HERC5: variants seen among roughly 807,000 people sequenced by gnomAD.
HERC5 encodes the protein E3 ISG15--protein ligase HERC5.
HERC5 carries 99 observed loss-of-function variants against 119.6 expected under a neutral mutation model. The observed-to-expected ratio is 0.83, with a 90% CI of 0.70 to 0.98. The LOEUF (loss-of-function observed/expected upper bound fraction) is 0.98, where lower values mean the gene tolerates loss of function less well. Among genes scored for constraint, HERC5 ranks in the 50% least tolerant of loss-of-function variants. The pLI is 0.00. For missense variants in HERC5, 1,267 were observed against 1,241.3 expected (o/e 1.02, Z -0.31); for synonymous variants, 478 against 445.9 (o/e 1.07, Z -0.91).
At chr4:88,467,908 A>G in intron 7 of HERC5, 1 of 982,502 alleles carries the variant, frequency 1.0e-6, no homozygotes, top group Non-Finnish European at 1.2e-6. Flanking sequence ...TTGTAGGAAA[A>G]CGAACAGAGT....
intron 15 of HERC5, 55 bp from the exon 16 acceptor site, chr4:88,489,111 T>C: frequency 6.7e-7 from 1 of 1,484,760 alleles, no homozygotes; most frequent in Non-Finnish European, 9.1e-7. Flanking sequence ...AAATTTTTAC[T>C]TAGAGAGGGC....
At chr4:88,474,317 AATT>A (rs1740978269) in intron 11 of HERC5, among the ~76,000 whole-genome samples, 1 of 152,206 alleles carries the variant, frequency 6.6e-6, no homozygotes. Context: ...TGCCCAGAGG[AATT>A]AAGATCTTAC....
In HERC5 at chr4:88,479,811, T is replaced by A. The variant is rs145851876; in HGVS notation, c.1737+304T>A. On this transcript the variant is annotated intron_variant, in intron 13 of 22. Coordinates refer to ENST00000264350, the MANE Select transcript of HERC5 (RefSeq NM_016323.4). ...GGCCGGGCGCGTTGGCTCACGCCTG[T>A]CATCCTAGCACTTTAGGAGGCCAAG... 2.0e-4 allele frequency among the ~76,000 whole-genome samples: 31 copies of A among 152,252 alleles called. No individual in the cohort carries two copies. The East Asian group carries it at 5.8e-3, about 28-fold the overall frequency.
intron 13 of HERC5, among the ~76,000 whole-genome samples, chr4:88,480,445 T>TG (rs200164798): frequency 3.5e-3 from 354 of 100,700 alleles, no homozygotes; most frequent in South Asian, 0.013. Context: ...CTTGTGTGTG[T>TG]TTTTTTTTTT....
intron 13 of HERC5, 27 bp from the exon 14 acceptor site, chr4:88,486,088 T>G (rs1190586378): frequency 3.5e-6 from 5 of 1,445,994 alleles, no homozygotes; most frequent in Non-Finnish European, 4.8e-6. Context: ...AATATAAAAC[T>G]TTTTCACAAG....
chr4:88,481,021 T>C (rs911301690), intron 13 of HERC5, among the ~76,000 whole-genome samples: 2 of 152,202 alleles, frequency 1.3e-5, no homozygotes, highest in African/African-American at 4.8e-5. Context: ...TTCTTTTTAC[T>C]CCTTGTGTCT....
chr4:88,457,708 G>T lies in HERC5; in HGVS notation c.265+174G>T, dbSNP rs142189085. On this transcript the variant is annotated intron_variant, in intron 1 of 22. Coordinates refer to ENST00000264350, the MANE Select transcript of HERC5 (RefSeq NM_016323.4). ...GCGCACCTGAGCTGTCTTTTATCCC[G>T]GTCAGTGTCAGGCGCGGGGTGAGCG... Among the ~76,000 whole-genome samples the T allele has an allele frequency of 8.9e-3, 1,363 of 152,328 alleles. 20 individuals carry two copies. The highest frequency in any genetic ancestry group is 0.031 in the African/African-American group (1,298 of 41,574).
At position 88,494,247 on chromosome 4, in the gene HERC5, C is replaced by A. The variant is rs773951218; in HGVS notation, c.2360C>A (p.Pro787His). The A allele has an allele frequency of 5.6e-6, 9 of 1,613,108 alleles. No individual in the cohort carries two copies. ...SLFNCNVANL[P>H]FPLALFKKLL... The stretch of plus-strand genomic sequence containing the variant: ...TTCAATTGCAATGTTGCCAACCTTC[C>A]TTTCCCACTGGCACTGTTTAAGAAA... The change falls in exon 18 of 23, where the codon CCT becomes CAT. Residue 787 changes from proline (P) to histidine (H), a missense_variant. Physicochemically the swap from Pro to His is moderately conservative, Grantham distance 77 (BLOSUM62 -2). This residue lies in a region of HERC5 where 473 missense variants were observed against 445.7 expected (regional missense o/e 1.06). Coordinates refer to ENST00000264350, the MANE Select transcript of HERC5 (RefSeq NM_016323.4).
intron 9 of HERC5, among the ~76,000 whole-genome samples, 155 bp downstream of exon 9, chr4:88,469,415 T>C (rs1266727345): frequency 1.3e-5 from 2 of 152,234 alleles, no homozygotes; most frequent in African/African-American, 4.8e-5. Context: ...TCTTTATCTC[T>C]ATCATGTCTG....
chr4:88,457,356 G>A lies in HERC5; in HGVS notation c.87G>A (p.Pro29=). The A allele has an allele frequency of 6.3e-6, 9 of 1,428,214 alleles. No individual in the cohort carries two copies. The highest frequency in any genetic ancestry group is 8.2e-6 in the Non-Finnish European group (9 of 1,092,964). The allele number at this position is 1,428,214 out of a possible 1,614,324, so 88.5% of individuals were successfully genotyped here. Residue 29 remains proline (P), a synonymous_variant, in exon 1 of 23, where the codon CCG becomes CCA. Coordinates refer to ENST00000264350, the MANE Select transcript of HERC5 (RefSeq NM_016323.4). ...CCGCGACCCAGCCCGCGAAGTCTCC[G>A]GGCGCACAGCTCTGGCTCTTTCCCA... ...KAAATQPAKS[P]GAQLWLFPSA...
intron 13 of HERC5, among the ~76,000 whole-genome samples, chr4:88,480,681 G>T (rs1741250220): frequency 6.6e-6 from 1 of 152,148 alleles, no homozygotes; most frequent in Non-Finnish European, 1.5e-5. Flanking sequence ...ATTGCTCCAT[G>T]TCTGACTTTA....
At chr4:88,479,672 T>TA (rs542488053) in intron 13 of HERC5, among the ~76,000 whole-genome samples, 165 bp downstream of exon 13, 46 of 152,198 alleles carry the variant, frequency 3.0e-4, no homozygotes, top group African/African-American at 1.1e-3. Context: ...AAGGAATATA[T>TA]ATATAATACC....
chr4:88,491,439 G>C (rs541800708), intron 16 of HERC5, among the ~76,000 whole-genome samples: 1 of 152,252 alleles, frequency 6.6e-6, no homozygotes, highest in East Asian at 1.9e-4. Context: ...AGAAGTGTTA[G>C]GATAGAACTG....
intron 15 of HERC5, among the ~76,000 whole-genome samples, chr4:88,488,585 A>G (rs544949636): frequency 6.6e-6 from 1 of 152,032 alleles, no homozygotes; most frequent in Admixed American, 6.6e-5. Context: ...CAGAATGGAC[A>G]TTCTGTCTGT....
In HERC5 at chr4:88,504,303, G is replaced by A. The variant is rs375430185; in HGVS notation, c.2654G>A (p.Arg885Gln). The A allele has an allele frequency of 1.5e-5, 24 of 1,612,342 alleles. No individual in the cohort carries two copies. Among genetic ancestry groups the A allele is most frequent in the Middle Eastern group, 1.7e-4 (1 of 6,050 alleles). ...GTAAAGGCGGTTTATGAAGAATTTC[G>A]GAGAGGATTTTATAAAATGTGCGAC... Reference protein sequence around the residue: ...DSVKAVYEEFRRGFYKMCDED... With the variant: ...DSVKAVYEEFQRGFYKMCDED... The change falls in exon 21 of 23, where the codon CGG becomes CAG. Residue 885 changes from arginine to glutamine, a missense_variant. Coordinates refer to ENST00000264350, the MANE Select transcript of HERC5 (RefSeq NM_016323.4).
At chr4:88,457,745 ACCAGCGGATCCTCCG>A (rs1740224802) in intron 1 of HERC5, 1 of 639,364 alleles carries the variant, frequency 1.6e-6, no homozygotes, top group South Asian at 8.4e-5. Flanking sequence ...GATACTGGCG[ACCAGCGGATCCTCCG>A]CTCAGCAAAG....
chr4:88,469,269 C>T lies in HERC5; in HGVS notation c.1238+9C>T. ...TGGCAGAGCACAAAAAGGTACACCCCACAGTCTGACTCTCTGCTTATATAT... is the reference window on the plus strand; with the variant it reads ...TGGCAGAGCACAAAAAGGTACACCCTACAGTCTGACTCTCTGCTTATATAT... On this transcript the variant is annotated intron_variant, in intron 9 of 22. Transcript: ENST00000264350. 3 of 1,553,148 alleles carry T rather than the reference C, an allele frequency of 1.9e-6. No homozygotes were observed. Among genetic ancestry groups the T allele is most frequent in the Admixed American group, 1.7e-5 (1 of 59,860 alleles).
At chr4:88,500,843 A>C in intron 19 of HERC5, 72 bp from the exon 20 acceptor site, 1 of 1,106,940 alleles carries the variant, frequency 9.0e-7, no homozygotes, top group Non-Finnish European at 1.3e-6. Flanking sequence ...GTATGCTCCA[A>C]AGTGTTTTTA....
intron 13 of HERC5, among the ~76,000 whole-genome samples, chr4:88,483,766 G>A (rs1741366231): frequency 1.3e-5 from 2 of 152,112 alleles, no homozygotes; most frequent in Non-Finnish European, 2.9e-5. Flanking sequence ...CTGACCTCAA[G>A]TGATTTTCCC....
Sources: gnomAD v4.1 joint callset for allele counts (sites outside exome capture counted in the v4.1 genomes callset) on GRCh38, gnomAD v4.1.1 for gene constraint, gnomAD v4.1.1 regional missense constraint, MANE v1.5 for transcripts, NCBI Gene and HGNC (gene_info 2026-07-23, HGNC 2026-07-21) for gene names.